The following PPP2R2D variants were observed in gnomAD, a reference collection of about 807,000 sequenced individuals.
PPP2R2D encodes protein phosphatase 2 regulatory subunit Bdelta.
A neutral mutation model predicts 31.1 loss-of-function variants in PPP2R2D; 9 were observed. The ratio of observed to expected loss-of-function variants is 0.29; its 90% CI spans 0.17 to 0.51. The LOEUF is 0.51. Ranked by LOEUF, PPP2R2D falls within the 20% of genes least tolerant of loss-of-function variation. The pLI is 0.98. For missense variants in PPP2R2D, 391 were observed against 465.6 expected (o/e 0.84, Z 1.48); for synonymous variants, 179 against 172.6 (o/e 1.04, Z -0.29).
intron 2 of PPP2R2D, among the ~76,000 whole-genome samples, chr10:131,905,517 C>T (rs966015589): frequency 7.9e-5 from 12 of 152,188 alleles, no homozygotes; most frequent in Admixed American, 2.0e-4. Flanking sequence ...GGCTGGCTGT[C>T]CCCCTTCCCA....
At chr10:131,903,042 G>C (rs1283278012) in intron 2 of PPP2R2D, among the ~76,000 whole-genome samples, 1 of 151,636 alleles carries the variant, frequency 6.6e-6, no homozygotes, top group African/African-American at 2.4e-5. Context: ...GTGAGCCACC[G>C]CACCTGCCTG....
At chr10:131,963,337 G>A (rs2036945848), downstream of PPP2R2D, among the ~76,000 whole-genome samples, 1 of 149,804 alleles carries the variant, frequency 6.7e-6, no homozygotes, top group Admixed American at 6.7e-5. Flanking sequence ...CTGTGAACTG[G>A]TCATACGTAC....
rs201278840 is a variant in PPP2R2D at position 131,955,645 on chromosome 10, C to T, written c.1083-39C>T. ...GTCTGAGTCCTTGCTGCCGCTCCCC[C>T]CACTGAGGAGTGCTGCTGTCTGCTC... On this transcript the variant is annotated intron_variant, in intron 8 of 8. Transcript: ENST00000455566. 7,403 of 1,366,848 alleles carry T rather than the reference C, an allele frequency of 5.4e-3. 30 individuals are homozygous for T. Among genetic ancestry groups the T allele is most frequent in the Middle Eastern group, 0.015 (66 of 4,340 alleles). The allele number at this position is 1,366,848 out of a possible 1,614,324, so 84.7% of individuals were successfully genotyped here.
intron 8 of PPP2R2D, among the ~76,000 whole-genome samples, chr10:131,949,300 C>G (rs1240034185): frequency 1.3e-5 from 2 of 152,142 alleles, no homozygotes; most frequent in Non-Finnish European, 1.5e-5. Flanking sequence ...GTAAACACAC[C>G]TGCACTTTGA....
intron 3 of PPP2R2D, among the ~76,000 whole-genome samples, chr10:131,937,419 G>A (rs1329986778): frequency 6.6e-6 from 1 of 152,212 alleles, no homozygotes; most frequent in Non-Finnish European, 1.5e-5. Context: ...AAAAAGAGAA[G>A]GTGCTCGCTT....
chr10:131,962,844 C>T (rs1383055111), downstream of PPP2R2D, among the ~76,000 whole-genome samples: 2 of 152,192 alleles, frequency 1.3e-5, no homozygotes, highest in African/African-American at 2.4e-5. Context: ...GATAGAGCTC[C>T]GTCTGCTTGC....
Position 131,944,104 on chromosome 10 carries a change from G to A in PPP2R2D, c.614G>A (p.Arg205Lys), listed in dbSNP as rs545914041. 5 of 1,612,028 alleles carry A rather than the reference G, an allele frequency of 3.1e-6. No homozygotes were observed. Among genetic ancestry groups the A allele is most frequent in the Non-Finnish European group, 4.2e-6 (5 of 1,178,740 alleles). Residue 205 changes from arginine (R) to lysine (K), a missense_variant, in exon 6 of 9, where the codon AGA (arginine) becomes AAA (lysine). This residue lies in a region of PPP2R2D where 123 missense variants were observed against 187.7 expected (regional missense o/e 0.66). Coordinates refer to ENST00000455566, the MANE Select transcript of PPP2R2D (RefSeq NM_018461.5). ...ACATATCTTTCTGCAGATGACCTGA[G>A]AATTAATTTATGGCACTTAGAAATC... ...HETYLSADDL[R>K]INLWHLEITD... is the part of the protein sequence containing the mutation.
intron 2 of PPP2R2D, among the ~76,000 whole-genome samples, chr10:131,913,161 A>C (rs1443219843): frequency 4.0e-5 from 6 of 149,410 alleles, no homozygotes; most frequent in Admixed American, 1.3e-4. Context: ...GTGTGATTAC[A>C]GGGATGCCAC....
At chr10:131,952,132 T>G (rs1350162839) in intron 8 of PPP2R2D, among the ~76,000 whole-genome samples, 5 of 70,962 alleles carry the variant, frequency 7.0e-5, no homozygotes, top group Non-Finnish European at 1.3e-4. Context: ...GACTTGCGGG[T>G]GTGCGGGGGG....
At chr10:131,937,276 T>C (rs190125999) in intron 3 of PPP2R2D, among the ~76,000 whole-genome samples, 3 of 152,134 alleles carry the variant, frequency 2.0e-5, no homozygotes, top group African/African-American at 7.2e-5. Context: ...TCTGTGCAGA[T>C]TAAGTCTTAC....
At chr10:131,907,779 C>G (rs1309835063) in intron 2 of PPP2R2D, among the ~76,000 whole-genome samples, 2 of 151,828 alleles carry the variant, frequency 1.3e-5, no homozygotes, top group Admixed American at 6.6e-5. Context: ...ACTCATCATG[C>G]TTAGTACAGC....
At chr10:131,944,238 C>T (rs1436578240) in intron 6 of PPP2R2D, 93 bp downstream of exon 6, 9 of 1,053,838 alleles carry the variant, frequency 8.5e-6, no homozygotes, top group South Asian at 1.6e-5. Context: ...ATCTCGGAGT[C>T]TAGTCTTGTA....
In PPP2R2D at chr10:131,945,326, G is replaced by A. The variant is rs2119900755; in HGVS notation, c.687G>A (p.Glu229=). The A allele has an allele frequency of 6.2e-7, 1 of 1,614,146 alleles. No homozygotes were observed. The highest frequency in any genetic ancestry group is 1.1e-5 in the South Asian group (1 of 91,072). The change falls in exon 7 of 9, where the codon GAG becomes GAA. Residue 229 remains glutamate, a synonymous_variant. Transcript: ENST00000455566. This position sits in a 1 kb window ranked among gnomAD's most constrained non-coding sequence, Gnocchi z 4.8. ...TGGACATCAAGCCTGCTAACATGGA[G>A]GAGCTGACCGAAGTCATCACTGCAG... ...NIVDIKPANM[E]ELTEVITAAE... is the part of the protein sequence containing the mutation.
At chr10:131,910,529 CA>C (rs1203123178) in intron 2 of PPP2R2D, among the ~76,000 whole-genome samples, 14 of 152,154 alleles carry the variant, frequency 9.2e-5, no homozygotes, top group African/African-American at 3.4e-4. Context: ...ATTTTCAAGT[CA>C]ATTTCTGCCA....
At chr10:131,930,047 C>CA (rs2036190819) in intron 2 of PPP2R2D, among the ~76,000 whole-genome samples, 1 of 151,914 alleles carries the variant, frequency 6.6e-6, no homozygotes, top group Admixed American at 6.5e-5. Context: ...CCACTCCCCA[C>CA]AAAAAAAGAG....
At chr10:131,949,462 G>A (rs1433125831) in intron 8 of PPP2R2D, among the ~76,000 whole-genome samples, 4 of 152,116 alleles carry the variant, frequency 2.6e-5, no homozygotes, top group South Asian at 4.1e-4. Context: ...TCTGGATTTC[G>A]TCACATTAAA....
At chr10:131,907,362 A>C (rs1401038448) in intron 2 of PPP2R2D, among the ~76,000 whole-genome samples, 7 of 152,214 alleles carry the variant, frequency 4.6e-5, no homozygotes, top group African/African-American at 1.7e-4. Context: ...TCAAACAAGC[A>C]AACAGTCTAG....
intron 2 of PPP2R2D, among the ~76,000 whole-genome samples, chr10:131,909,620 G>C (rs1295204756): frequency 6.6e-6 from 1 of 152,204 alleles, no homozygotes; most frequent in Admixed American, 6.5e-5. Flanking sequence ...TGCTTCCACA[G>C]GAGCATGCCT....
At chr10:131,954,853 G>A (rs942953600) in intron 8 of PPP2R2D, among the ~76,000 whole-genome samples, 29 of 152,206 alleles carry the variant, frequency 1.9e-4, no homozygotes, top group African/African-American at 7.0e-4. Flanking sequence ...AAGAGGAGGC[G>A]AGCTTCAAGG....
Sources: allele counts gnomAD v4.1 joint callset (sites outside exome capture counted in the v4.1 genomes callset), GRCh38; gene constraint gnomAD v4.1.1; regional missense constraint gnomAD v4.1.1; non-coding constraint Gnocchi (gnomAD v3.1); transcripts MANE v1.5; gene names NCBI Gene and HGNC (gene_info 2026-07-23, HGNC 2026-07-21).